Variants in ROCK2 observed in about 807,000 individuals in gnomAD.
ROCK2 encodes rho-associated protein kinase 2.
ROCK2 carries 61 observed loss-of-function variants against 195.1 expected under a neutral mutation model. That is an observed-to-expected ratio of 0.31 (90% CI 0.25 to 0.39). The LOEUF (loss-of-function observed/expected upper bound fraction) is 0.39. Ranked by LOEUF, ROCK2 falls within the 10% of genes least tolerant of loss-of-function variation. The probability of loss-of-function intolerance (pLI) is 1.00; values close to 1 mark genes in which losing one functional copy is unlikely to be tolerated. For synonymous variants in ROCK2, 504 were observed against 545.5 expected, an observed-to-expected ratio of 0.92 and a Z score of 1.06; for missense variants, 1,109 against 1,637.4, an observed-to-expected ratio of 0.68 and a Z score of 5.57.
At chr2:11,226,243 C>A (rs1664807624) in intron 6 of ROCK2, among the ~76,000 whole-genome samples, 1 of 152,010 alleles carries the variant, frequency 6.6e-6, no homozygotes, top group Non-Finnish European at 1.5e-5. Flanking sequence ...TTTTTATGAC[C>A]CCAGTACTTA....
In ROCK2 at chr2:11,192,258, C is replaced by T. The variant is rs1343688979; in HGVS notation, c.4053G>A (p.Lys1351=). ...GGGCAAAAGGGTCTGGAGCTGGGGG[C>T]TTTTTAGGTATCTTTTTCACCAACC... The part of the protein sequence containing the change: ...VSRLVKKIPK[K]PPAPDPFARS... The change falls in exon 32 of 33, where the codon AAG becomes AAA. Residue 1351 remains lysine, a synonymous_variant. Transcript: ENST00000315872. The surrounding 1 kb of genome is among the most constrained non-coding windows in gnomAD (Gnocchi z 5.0). 2.5e-6 allele frequency: 4 copies of T among 1,613,852 alleles called. No homozygotes were observed. In the East Asian group the frequency reaches 6.7e-5, roughly 27 times the overall value.
chr2:11,198,742 A>G lies in ROCK2; in HGVS notation c.2943T>C (p.Asp981=), dbSNP rs1337427935. The G allele has an allele frequency of 1.2e-6, 2 of 1,609,276 alleles. No homozygotes were observed. The highest frequency in any genetic ancestry group is 4.5e-5 in the East Asian group (2 of 44,750). ...LEETNRTLTS[D]VANLANEKEE... ...CTTTCTCATTTGCAAGATTGGCAAC[A>G]TCACTAGTTAGTGTCCTATTAGTTT... Residue 981 remains aspartate, a synonymous_variant, in exon 24 of 33, where the codon GAT becomes GAC. Transcript: ENST00000315872.
At chr2:11,318,703 T>A (rs1222526050) in intron 1 of ROCK2, among the ~76,000 whole-genome samples, 1 of 152,222 alleles carries the variant, frequency 6.6e-6, no homozygotes, top group African/African-American at 2.4e-5. Context: ...TGGTATTGCC[T>A]AGGTTTTCTT....
chr2:11,328,815 G>A (rs111261036), intron 1 of ROCK2, among the ~76,000 whole-genome samples: 3,641 of 151,154 alleles, frequency 0.024, 174 homozygotes, highest in African/African-American at 0.084. Context: ...ACTATCGCAA[G>A]GACAAAAAAC....
At chr2:11,247,411 T>G (rs1665653698) in intron 4 of ROCK2, among the ~76,000 whole-genome samples, 1 of 152,220 alleles carries the variant, frequency 6.6e-6, no homozygotes, top group Non-Finnish European at 1.5e-5. Flanking sequence ...AATATAATGG[T>G]GCATGGAATG....
intron 1 of ROCK2, among the ~76,000 whole-genome samples, chr2:11,335,636 C>A (rs1668905986): frequency 6.6e-6 from 1 of 152,032 alleles, no homozygotes; most frequent in South Asian, 2.1e-4. Flanking sequence ...TTTTTTCTCA[C>A]CCCAATCACC....
Position 11,224,310 on chromosome 2 carries a change from A to C in ROCK2, c.1007+12T>G. On this transcript the variant is annotated intron_variant, in intron 7 of 32. Transcript: ENST00000315872. ...AAAGGGCTTCTCTACAAAGAAATTC[A>C]ATGTACATTACCTATCTGTTAAGAA... 6.3e-7 allele frequency: 1 copy of C among 1,588,778 alleles called. No individual in the cohort carries two copies. Among genetic ancestry groups the C allele is most frequent in the Non-Finnish European group, 8.5e-7 (1 of 1,170,948 alleles).
chr2:11,317,576 T>TTATATATCTATATATCTATATA (rs1668237737), intron 1 of ROCK2, among the ~76,000 whole-genome samples: 1 of 29,584 alleles, frequency 3.4e-5, no homozygotes, highest in African/African-American at 1.6e-4. Flanking sequence ...ATCTACACAT[T>TTATATATCTATATATCTATATA]TATATATATA....
At chr2:11,325,539 A>T (rs550686609) in intron 1 of ROCK2, among the ~76,000 whole-genome samples, 1 of 152,262 alleles carries the variant, frequency 6.6e-6, no homozygotes, top group South Asian at 2.1e-4. Flanking sequence ...GCTTCAAATG[A>T]AAGTTATTTA....
At chr2:11,302,036 C>A (rs1444524628) in intron 1 of ROCK2, among the ~76,000 whole-genome samples, 1 of 151,988 alleles carries the variant, frequency 6.6e-6, no homozygotes, top group Non-Finnish European at 1.5e-5. Flanking sequence ...GAATTCCAGA[C>A]CACAGGTGAT....
chr2:11,200,587 T>TAATTGATAGGG (rs1423531163), intron 23 of ROCK2, among the ~76,000 whole-genome samples: 1 of 152,216 alleles, frequency 6.6e-6, no homozygotes, highest in African/African-American at 2.4e-5. Context: ...TAGGTCTAGT[T>TAATTGATAGGG]AATTGATAGG....
chr2:11,276,838 G>A (rs1000951681), intron 3 of ROCK2, among the ~76,000 whole-genome samples: 25 of 152,060 alleles, frequency 1.6e-4, no homozygotes, highest in African/African-American at 4.6e-4. Context: ...AATGATAGAC[G>A]TAACAGGAGG....
At chr2:11,207,185 C>T (rs930347716) in intron 20 of ROCK2, among the ~76,000 whole-genome samples, 2 of 152,176 alleles carry the variant, frequency 1.3e-5, no homozygotes, top group Non-Finnish European at 1.5e-5. Flanking sequence ...TCTCACTTCA[C>T]CTCAAGTGAT....
chr2:11,204,181 T>G (rs1170747335), intron 20 of ROCK2, among the ~76,000 whole-genome samples: 2 of 152,204 alleles, frequency 1.3e-5, no homozygotes, highest in Non-Finnish European at 2.9e-5. Flanking sequence ...CCTCCACATC[T>G]CATAAGTTTT....
At chr2:11,302,302 T>C (rs1005184314) in intron 1 of ROCK2, among the ~76,000 whole-genome samples, 4 of 150,892 alleles carry the variant, frequency 2.7e-5, no homozygotes, top group African/African-American at 9.7e-5. Context: ...TTTGTTGGGG[T>C]GGGGTGTTTT....
intron 20 of ROCK2, among the ~76,000 whole-genome samples, 191 bp downstream of exon 20, chr2:11,207,535 A>C (rs1448192291): frequency 6.6e-6 from 1 of 152,240 alleles, no homozygotes; most frequent in Non-Finnish European, 1.5e-5. Context: ...AGGTAGCAGC[A>C]GTAAAAACTG....
At position 11,218,334 on chromosome 2, in the gene ROCK2, G is replaced by C. The variant is rs146138802; in HGVS notation, c.1332+121C>G. 400 of 568,918 alleles carry C rather than the reference G, an allele frequency of 7.0e-4. 2 individuals carry two copies. The highest frequency in any genetic ancestry group is 6.7e-3 in the African/African-American group (349 of 52,448). 35.2% of individuals were successfully genotyped at this position (568,918 alleles called of 1,614,324 possible). A position where few individuals can be genotyped will look rare whatever the true frequency, so the allele number is the denominator to read the frequency against. The stretch of plus-strand genomic sequence containing the variant: ...AGATACTTGGTAGAAGAAAGGTTGG[G>C]AACTTCTCTCTTGGGTAGATGTAGT... On this transcript the variant is annotated intron_variant, in intron 11 of 32. Coordinates refer to ENST00000315872, the MANE Select transcript of ROCK2 (RefSeq NM_004850.5).
chr2:11,261,669 T>C (rs1193860697), intron 3 of ROCK2, among the ~76,000 whole-genome samples: 1 of 151,972 alleles, frequency 6.6e-6, no homozygotes, highest in Admixed American at 6.5e-5. Flanking sequence ...ATACAAAAAT[T>C]AGGCGGGCGT....
rs182346836 is a variant in ROCK2, at chr2:11,314,548, A to G, written c.142-26812T>C. The stretch of plus-strand genomic sequence containing the variant: ...ACATGCAAAACCCAGTAAGTTTAGG[A>G]AAAAAACCCCAACTATACATATCCT... On this transcript the variant is annotated intron_variant, in intron 1 of 32. Transcript: ENST00000315872. Among the ~76,000 whole-genome samples, 526 of 152,098 alleles carry G rather than the reference A, an allele frequency of 3.5e-3. 4 individuals carry two copies. Among genetic ancestry groups the G allele is most frequent in the African/African-American group, 0.012 (511 of 41,558 alleles).
Sources: allele counts gnomAD v4.1 joint callset (sites outside exome capture counted in the v4.1 genomes callset), GRCh38; gene constraint gnomAD v4.1.1; non-coding constraint Gnocchi (gnomAD v3.1); transcripts MANE v1.5; gene names NCBI Gene and HGNC (gene_info 2026-07-23, HGNC 2026-07-21).